The following EXT1 variants were observed in gnomAD, a reference collection of about 807,000 sequenced individuals.
The protein encoded by EXT1 is exostosin-1.
A neutral mutation model predicts 82.5 loss-of-function variants in EXT1; 20 were observed. The ratio of observed to expected loss-of-function variants is 0.24; its 90% CI spans 0.17 to 0.35. The LOEUF is 0.35. Among genes scored for constraint, EXT1 ranks in the 10% least tolerant of loss-of-function variants. The pLI, the probability that EXT1 is intolerant of heterozygous loss-of-function variation, is 1.00. For missense variants in EXT1, 757 were observed against 936.5 expected (o/e 0.81, Z 2.50); for synonymous variants, 348 against 350.8 (o/e 0.99, Z 0.09).
chr8:118,064,499 T>G (rs1816941215), intron 1 of EXT1, among the ~76,000 whole-genome samples: 1 of 152,210 alleles, frequency 6.6e-6, no homozygotes, highest in Admixed American at 6.5e-5. Flanking sequence ...CCCTGCAAAG[T>G]ACATGAACTC....
chr8:118,012,300 G>A (rs922511279), intron 1 of EXT1, among the ~76,000 whole-genome samples: 3 of 152,226 alleles, frequency 2.0e-5, no homozygotes, highest in Admixed American at 6.5e-5. Flanking sequence ...ACAGGACAGA[G>A]TTTCTTCCAC....
chr8:118,010,440 A>T (rs929017382), intron 1 of EXT1, among the ~76,000 whole-genome samples: 2 of 150,432 alleles, frequency 1.3e-5, no homozygotes, highest in African/African-American at 4.9e-5. Flanking sequence ...CCTCTATTTC[A>T]CCTCTACCCA....
At chr8:117,860,060 T>C (rs904590998) in intron 1 of EXT1, among the ~76,000 whole-genome samples, 4 of 147,468 alleles carry the variant, frequency 2.7e-5, no homozygotes, top group Non-Finnish European at 5.9e-5. Context: ...GGCAGGAGAA[T>C]TGCTTGGACC....
chr8:117,824,752 T>C (rs1331022407), intron 4 of EXT1, among the ~76,000 whole-genome samples: 1 of 152,240 alleles, frequency 6.6e-6, no homozygotes, highest in Non-Finnish European at 1.5e-5. Context: ...GATTCATTAT[T>C]CTTAATGACC....
intron 1 of EXT1, among the ~76,000 whole-genome samples, chr8:118,066,999 A>G (rs933096583): frequency 4.6e-5 from 7 of 152,232 alleles, no homozygotes; most frequent in Admixed American, 4.6e-4. Context: ...AATGGGGAAT[A>G]GACAGCTGCC....
chr8:118,060,443 A>G (rs1313960492), intron 1 of EXT1, among the ~76,000 whole-genome samples: 1 of 152,190 alleles, frequency 6.6e-6, no homozygotes, highest in Non-Finnish European at 1.5e-5. Flanking sequence ...ACTTTCTTGC[A>G]TGACAACCAT....
At chr8:117,938,603 C>T (rs1814214357) in intron 1 of EXT1, among the ~76,000 whole-genome samples, 1 of 152,196 alleles carries the variant, frequency 6.6e-6, no homozygotes, top group Non-Finnish European at 1.5e-5. Context: ...ATATTTCTGG[C>T]ATCACAGAAA....
chr8:118,012,645 A>C (rs1292624547), intron 1 of EXT1, among the ~76,000 whole-genome samples: 1 of 152,256 alleles, frequency 6.6e-6, no homozygotes, highest in Non-Finnish European at 1.5e-5. Flanking sequence ...GGCTGTGCAC[A>C]TCACATCTCT....
intron 1 of EXT1, among the ~76,000 whole-genome samples, chr8:118,051,283 A>G (rs958289413): frequency 6.6e-6 from 1 of 152,200 alleles, no homozygotes; most frequent in Admixed American, 6.5e-5. Flanking sequence ...GGCTGCAGTG[A>G]GCCATGATGG....
chr8:118,083,896 G>A (rs998180474), intron 1 of EXT1, among the ~76,000 whole-genome samples: 1 of 152,044 alleles, frequency 6.6e-6, no homozygotes, highest in Admixed American at 6.6e-5. Context: ...AGGTGTGGTG[G>A]TGGACACCTG....
At chr8:117,817,655 A>C (rs1226443899) in intron 7 of EXT1, among the ~76,000 whole-genome samples, 1 of 152,180 alleles carries the variant, frequency 6.6e-6, no homozygotes, top group African/African-American at 2.4e-5. Context: ...GTCAAGACTT[A>C]CAAATGGCAA....
Position 117,934,947 on chromosome 8 carries a change from G to C in EXT1, c.963-97746C>G, listed in dbSNP as rs185789930. ...TGATCCTACACATGCATCTATCCTA[G>C]AGAATCTTAGGAACTTAGCAGAACA... On this transcript the variant is annotated intron_variant, in intron 1 of 10. Transcript: ENST00000378204. Among the ~76,000 whole-genome samples the C allele has an allele frequency of 9.2e-5, 14 of 152,304 alleles. No individual in the cohort carries two copies. In the East Asian group the frequency reaches 2.5e-3, roughly 27 times the overall value.
chr8:117,980,955 A>G (rs1653036394), intron 1 of EXT1, among the ~76,000 whole-genome samples: 1 of 151,574 alleles, frequency 6.6e-6, no homozygotes, highest in Admixed American at 6.6e-5. Context: ...CTTTCTTATT[A>G]CTGCGCTGTC....
chr8:118,002,735 T>C (rs1224852286), intron 1 of EXT1, among the ~76,000 whole-genome samples: 1 of 152,034 alleles, frequency 6.6e-6, no homozygotes, highest in Admixed American at 6.5e-5. Flanking sequence ...GGTTTCACCG[T>C]GTGAGCCAGG....
At chr8:117,855,731 C>T (rs1191991199) in intron 1 of EXT1, among the ~76,000 whole-genome samples, 1 of 152,162 alleles carries the variant, frequency 6.6e-6, no homozygotes, top group Non-Finnish European at 1.5e-5. Flanking sequence ...GGCAATGGTG[C>T]GATCTCGGCT....
rs1029482924 is a variant in EXT1 at position 117,853,990 on chromosome 8, G to A, written c.963-16789C>T. On this transcript the variant is annotated intron_variant, in intron 1 of 10. Coordinates refer to ENST00000378204, the MANE Select transcript of EXT1 (RefSeq NM_000127.3). ...TGGGATGGTACACTCAGGGGAGGAA[G>A]CTGCTCACAGGAAGAACGCCCAGGA... 3.9e-5 allele frequency among the ~76,000 whole-genome samples: 6 copies of A among 152,266 alleles called. 1 individual carries two copies. Among genetic ancestry groups the A allele is most frequent in the Admixed American group, 3.9e-4 (6 of 15,290 alleles).
intron 1 of EXT1, among the ~76,000 whole-genome samples, chr8:118,001,694 C>T (rs1380132940): frequency 1.3e-5 from 2 of 152,040 alleles, no homozygotes; most frequent in Non-Finnish European, 2.9e-5. Flanking sequence ...GGTCATGCTT[C>T]GTTATTTTTC....
At chr8:118,095,354 T>C (rs903526646) in intron 1 of EXT1, among the ~76,000 whole-genome samples, 8 of 152,240 alleles carry the variant, frequency 5.3e-5, no homozygotes, top group African/African-American at 1.9e-4. Context: ...CATAAAATAC[T>C]GTTCTTTTTT....
chr8:117,963,632 A>G (rs1814748045), intron 1 of EXT1, among the ~76,000 whole-genome samples: 1 of 152,124 alleles, frequency 6.6e-6, no homozygotes, highest in African/African-American at 2.4e-5. Context: ...CTGGGATTAC[A>G]GGAAGACACC....
Sources: gnomAD v4.1 joint callset for allele counts (sites outside exome capture counted in the v4.1 genomes callset) on GRCh38, gnomAD v4.1.1 for gene constraint, MANE v1.5 for transcripts, NCBI Gene and HGNC (gene_info 2026-07-23, HGNC 2026-07-21) for gene names.